Variants in BMPER observed in about 807,000 individuals in gnomAD.
BMPER encodes BMP binding endothelial regulator, also known as BMP-binding endothelial regulator protein.
A neutral mutation model predicts 87.3 loss-of-function variants in BMPER; 45 were observed. The observed-to-expected ratio is 0.52, with a 90% CI of 0.41 to 0.66. The LOEUF (loss-of-function observed/expected upper bound fraction) is 0.66, where lower values mean the gene tolerates loss of function less well. Ranked by LOEUF, BMPER falls within the 30% of genes least tolerant of loss-of-function variation. The pLI is 0.00. For missense variants in BMPER, 784 were observed against 867.5 expected (o/e 0.90, Z 1.21); for synonymous variants, 326 against 316.2 (o/e 1.03, Z -0.33).
chr7:34,085,713 G>A (rs780754852), intron 12 of BMPER, 43 bp from the exon 13 acceptor site: 31 of 1,525,888 alleles, frequency 2.0e-5, no homozygotes, highest in Admixed American at 5.2e-5. Context: ...TTATTAGTGC[G>A]TTAATGAGTG....
chr7:34,025,586 C>T (rs1002459914), intron 6 of BMPER, among the ~76,000 whole-genome samples: 6 of 151,994 alleles, frequency 3.9e-5, no homozygotes, highest in African/African-American at 1.4e-4. Flanking sequence ...GCAAAGAGAG[C>T]AGTGGTTGTA....
intron 13 of BMPER, among the ~76,000 whole-genome samples, chr7:34,130,435 T>C (rs1790554331): frequency 6.6e-6 from 1 of 152,228 alleles, no homozygotes; most frequent in African/African-American, 2.4e-5. Flanking sequence ...ATGTTAGTAG[T>C]AGTTAAATCC....
chr7:33,960,108 A>G (rs1480522428), intron 3 of BMPER, among the ~76,000 whole-genome samples: 1 of 152,204 alleles, frequency 6.6e-6, no homozygotes, highest in Non-Finnish European at 1.5e-5. Flanking sequence ...GCAATGAAAA[A>G]AATTTTGTGG....
At chr7:33,926,636 G>C (rs1004926890) in intron 2 of BMPER, among the ~76,000 whole-genome samples, 2 of 152,198 alleles carry the variant, frequency 1.3e-5, no homozygotes, top group African/African-American at 4.8e-5. Context: ...TAAATCTGTG[G>C]CTTCTCCAGT....
chr7:33,933,905 C>T (rs1249853719), intron 2 of BMPER, among the ~76,000 whole-genome samples: 1 of 152,194 alleles, frequency 6.6e-6, no homozygotes, highest in African/African-American at 2.4e-5. Context: ...GATCCCTCCT[C>T]TGTAAGATGG....
At chr7:34,060,919 G>A (rs1273686669) in intron 10 of BMPER, among the ~76,000 whole-genome samples, 1 of 152,240 alleles carries the variant, frequency 6.6e-6, no homozygotes, top group African/African-American at 2.4e-5. Context: ...AAGGACTCAA[G>A]AGGACAAAAC....
At chr7:34,011,196 C>T (rs1464874770) in intron 6 of BMPER, among the ~76,000 whole-genome samples, 1 of 151,742 alleles carries the variant, frequency 6.6e-6, no homozygotes, top group African/African-American at 2.4e-5. Context: ...ACTTCTTAGA[C>T]TATAATGTGC....
intron 11 of BMPER, among the ~76,000 whole-genome samples, chr7:34,068,173 G>T (rs1788641774): frequency 6.6e-6 from 1 of 152,184 alleles, no homozygotes; most frequent in Non-Finnish European, 1.5e-5. Flanking sequence ...CCGTCTTGTG[G>T]TCAAATAGTG....
intron 13 of BMPER, among the ~76,000 whole-genome samples, chr7:34,130,657 G>T (rs1335371106): frequency 6.6e-6 from 1 of 152,242 alleles, no homozygotes; most frequent in Non-Finnish European, 1.5e-5. Flanking sequence ...GCATGGTGGA[G>T]TAGATGGAGT....
chr7:33,919,423 C>T (rs1364384170), intron 2 of BMPER, among the ~76,000 whole-genome samples: 1 of 152,134 alleles, frequency 6.6e-6, no homozygotes, highest in African/African-American at 2.4e-5. Flanking sequence ...AAACTAAAGC[C>T]AAAATGTGGT....
intron 3 of BMPER, 125 bp downstream of exon 3, chr7:33,937,513 GGT>G (rs376953621): frequency 0.052 from 36,142 of 690,132 alleles, 144 homozygotes; most frequent in East Asian, 0.19. Context: ...GGAGAAGTAG[GGT>G]GTGTGTGTGT....
intron 2 of BMPER, among the ~76,000 whole-genome samples, chr7:33,934,877 A>G (rs1002236295): frequency 1.3e-5 from 2 of 152,216 alleles, no homozygotes; most frequent in Non-Finnish European, 2.9e-5. Context: ...TCCTGGTAAC[A>G]GAAGCTCTGT....
chr7:33,933,585 G>T (rs1383181754), intron 2 of BMPER, among the ~76,000 whole-genome samples: 1 of 152,020 alleles, frequency 6.6e-6, no homozygotes, highest in African/African-American at 2.4e-5. Context: ...CTGGCTTTCA[G>T]AGGCATGATA....
chr7:34,043,226 T>C (rs974050517), intron 6 of BMPER, among the ~76,000 whole-genome samples: 4 of 152,176 alleles, frequency 2.6e-5, no homozygotes, highest in Non-Finnish European at 4.4e-5. Context: ...TGTAACAAAA[T>C]GTATTTCTTG....
At position 33,945,299 on chromosome 7, in the gene BMPER, G is replaced by A. The variant is rs77129587; in HGVS notation, c.319+7911G>A. 0.012 allele frequency among the ~76,000 whole-genome samples: 1,547 copies of A among 131,136 alleles called. 58 individuals carry two copies. In the East Asian group the frequency reaches 0.13, roughly 11 times the overall value. 86.0% of individuals were successfully genotyped at this position (131,136 alleles called of 152,430 possible). A position where few individuals can be genotyped will look rare whatever the true frequency, so the allele number is the denominator to read the frequency against. On this transcript the variant is annotated intron_variant, in intron 3 of 14. Coordinates refer to ENST00000649409, the MANE Select transcript of BMPER (RefSeq NM_001365308.1). ...AGAGTCCCACTCTGTCACCCAGGCTGTAGTGCAGTGGTGCAATCTTGGCTC... is the reference window on the plus strand; with the variant it reads ...AGAGTCCCACTCTGTCACCCAGGCTATAGTGCAGTGGTGCAATCTTGGCTC...
intron 6 of BMPER, among the ~76,000 whole-genome samples, chr7:34,027,062 T>C (rs902494113): frequency 7.2e-5 from 11 of 152,094 alleles, no homozygotes; most frequent in African/African-American, 2.7e-4. Context: ...ATGACCCAAA[T>C]GTGCTGCTAA....
upstream of BMPER, chr7:33,905,436 T>TCCCCC: frequency 4.9e-4 from 10 of 20,326 alleles, no homozygotes; most frequent in Non-Finnish European, 7.4e-4. Flanking sequence ...CACCTTGGTC[T>TCCCCC]CTCCCCCCGC....
intron 2 of BMPER, among the ~76,000 whole-genome samples, chr7:33,924,645 G>A (rs924590844): frequency 6.6e-6 from 1 of 152,140 alleles, no homozygotes; most frequent in African/African-American, 2.4e-5. Context: ...CCTTAATAGA[G>A]GGTATTTTCT....
At chr7:34,117,375 C>T (rs1790144811) in intron 13 of BMPER, among the ~76,000 whole-genome samples, 1 of 152,062 alleles carries the variant, frequency 6.6e-6, no homozygotes, top group Admixed American at 6.6e-5. Flanking sequence ...CTTAAGGGTC[C>T]CTAGAGTCAG....
Sources: gnomAD v4.1 joint callset for allele counts (sites outside exome capture counted in the v4.1 genomes callset) on GRCh38, gnomAD v4.1.1 for gene constraint, MANE v1.5 for transcripts, NCBI Gene and HGNC (gene_info 2026-07-23, HGNC 2026-07-21) for gene names.